The following RAB37 variants were observed in gnomAD, a reference collection of about 807,000 sequenced individuals.
RAB37 encodes ras-related protein Rab-37.
A neutral mutation model predicts 33.1 loss-of-function variants in RAB37; 29 were observed. That is an observed-to-expected ratio of 0.88 (90% CI 0.65 to 1.20). The LOEUF (loss-of-function observed/expected upper bound fraction) is 1.20, where lower values mean the gene tolerates loss of function less well. Among genes scored for constraint, RAB37 ranks in the 50% most tolerant of loss-of-function variants. The probability of loss-of-function intolerance (pLI) is 0.00; values close to 1 mark genes in which losing one functional copy is unlikely to be tolerated. For synonymous variants in RAB37, 128 were observed against 119.5 expected (o/e 1.07, Z -0.47); for missense variants, 299 against 301.1 (o/e 0.99, Z 0.05).
Position 74,729,379 on chromosome 17 carries a change from C to A in RAB37, c.183+13C>A, listed in dbSNP as rs374822336. 1.1e-5 allele frequency: 17 copies of A among 1,592,208 alleles called. No individual in the cohort carries two copies. The highest frequency in any genetic ancestry group is 1.4e-5 in the Non-Finnish European group (16 of 1,159,956). ...CATCGGATTCACGGTAAGCACTGGC[C>A]GGCACTGCCAGCTCTGGGCCTGGGC... On this transcript the variant is annotated intron_variant, in intron 2 of 7. Transcript: ENST00000340415. The surrounding 1 kb of genome is among the most constrained non-coding windows in gnomAD (Gnocchi z 4.2).
At chr17:74,679,833 C>A (rs1210500072) in intron 1 of RAB37, among the ~76,000 whole-genome samples, 3 of 151,908 alleles carry the variant, frequency 2.0e-5, no homozygotes. Flanking sequence ...CAAAAATTAG[C>A]TGGGTGTGGT....
intron 1 of RAB37, among the ~76,000 whole-genome samples, chr17:74,737,870 T>C (rs2034518376): frequency 6.6e-6 from 1 of 152,328 alleles, no homozygotes; most frequent in East Asian, 1.9e-4. Flanking sequence ...CTGGAGGCAC[T>C]GCCTCCCACC....
At chr17:74,718,779 A>G (rs961187214) in intron 1 of RAB37, among the ~76,000 whole-genome samples, 2 of 152,220 alleles carry the variant, frequency 1.3e-5, no homozygotes, top group African/African-American at 4.8e-5. Flanking sequence ...ATCCTGCCAC[A>G]CAGAAATAAC....
intron 2 of RAB37, among the ~76,000 whole-genome samples, chr17:74,731,707 C>T (rs965299017): frequency 6.6e-6 from 1 of 152,176 alleles, no homozygotes; most frequent in Non-Finnish European, 1.5e-5. Flanking sequence ...CAAAATTCCT[C>T]TTTCAAAACC....
rs539759603 is a variant in RAB37, at chr17:74,742,864, A to G, written c.247-265A>G. On this transcript the variant is annotated intron_variant, in intron 3 of 8. Transcript: ENST00000392613. This position sits in a 1 kb window ranked among gnomAD's most constrained non-coding sequence, Gnocchi z 4.0. ...ATGGTCTGGATCTCCTGACCTCGTG[A>G]TCCGCCTGCCTCGGCCTCCCAAAGT... Among the ~76,000 whole-genome samples the G allele has an allele frequency of 2.6e-5, 4 of 152,168 alleles. No homozygotes were observed. The South Asian group carries it at 8.3e-4, about 32-fold the overall frequency.
At chr17:74,679,990 AAAAAGAAAG>A (rs1326062938) in intron 1 of RAB37, among the ~76,000 whole-genome samples, 27 of 141,704 alleles carry the variant, frequency 1.9e-4, no homozygotes, top group African/African-American at 6.6e-4. Flanking sequence ...AAAAAAAAAA[AAAAAGAAAG>A]AAAGAAAGAA....
At position 74,704,941 on chromosome 17, in the gene RAB37, C is replaced by T; in HGVS notation, c.73-24315C>T. The stretch of plus-strand genomic sequence containing the variant: ...AAATAACAGTCAAGGAAGAAATACA[C>T]CTTCCGCAGACAAAACTTTTGTCCT... On this transcript the variant is annotated intron_variant, in intron 1 of 7. Coordinates refer to the RAB37 transcript ENST00000340415. 10 of 762,454 alleles carry T rather than the reference C, an allele frequency of 1.3e-5. No individual in the cohort carries two copies. The South Asian group carries it at 1.5e-4, about 11-fold the overall frequency. 47.2% of individuals were successfully genotyped at this position (762,454 alleles called of 1,614,324 possible).
chr17:74,677,965 G>A (rs1015017428), intron 1 of RAB37, among the ~76,000 whole-genome samples: 5 of 152,132 alleles, frequency 3.3e-5, no homozygotes, highest in African/African-American at 9.7e-5. Flanking sequence ...CTTATAAGCT[G>A]TTCTAGGGAG....
chr17:74,681,003 A>G (rs145279059), intron 1 of RAB37, among the ~76,000 whole-genome samples: 1 of 152,316 alleles, frequency 6.6e-6, no homozygotes, highest in Non-Finnish European at 1.5e-5. Context: ...GAATCCTGAG[A>G]ATCAATTCAG....
Position 74,742,246 on chromosome 17 carries a change from T to C in RAB37, c.205-8T>C. 6.2e-7 allele frequency: 1 copy of C among 1,613,186 alleles called. No homozygotes were observed. On this transcript the variant is annotated splice_region_variant and splice_polypyrimidine_tract_variant and intron_variant, in intron 2 of 8. Transcript: ENST00000392613. The surrounding 1 kb of genome is among the most constrained non-coding windows in gnomAD (Gnocchi z 4.0). ...TGCCCTCCCATCCTCTGCCTTTTTC[T>C]CTTTCAGAACAAGGTGGTGACTGTG...
chr17:74,717,597 T>C (rs2034182013), intron 1 of RAB37, among the ~76,000 whole-genome samples: 1 of 151,384 alleles, frequency 6.6e-6, no homozygotes, highest in Admixed American at 6.6e-5. Context: ...TCACCTGAGG[T>C]CGGGAGGGAG....
intron 1 of RAB37, among the ~76,000 whole-genome samples, chr17:74,740,533 G>C (rs1394263749): frequency 6.6e-6 from 1 of 152,224 alleles, no homozygotes; most frequent in Non-Finnish European, 1.5e-5. Flanking sequence ...CCGGCCTCTA[G>C]GAACTTGAAT....
chr17:74,715,123 A>AAAAT (rs1306263174), intron 1 of RAB37, among the ~76,000 whole-genome samples: 2 of 152,222 alleles, frequency 1.3e-5, no homozygotes, highest in African/African-American at 4.8e-5. Context: ...ACTCCATCTC[A>AAAAT]AAATAAATAA....
At chr17:74,712,935 G>A in intron 1 of RAB37, 1 of 1,495,558 alleles carries the variant, frequency 6.7e-7, no homozygotes, top group African/African-American at 1.4e-5. Flanking sequence ...CAGACTCCCA[G>A]CCTTCTGCTG....
intron 1 of RAB37, among the ~76,000 whole-genome samples, chr17:74,697,328 C>A (rs568003880): frequency 8.4e-4 from 128 of 152,234 alleles, no homozygotes; most frequent in African/African-American, 3.0e-3. Context: ...CAGCCACCAG[C>A]CCCACATCCC....
upstream of RAB37, among the ~76,000 whole-genome samples, chr17:74,734,487 G>A (rs369492828): frequency 4.7e-4 from 71 of 152,298 alleles, no homozygotes; most frequent in Middle Eastern, 3.4e-3. Context: ...AGTAGAAGGT[G>A]AGCATGAGGC....
chr17:74,723,575 CTTTTTT>C (rs35936012), intron 1 of RAB37, among the ~76,000 whole-genome samples: 1 of 133,184 alleles, frequency 7.5e-6, no homozygotes, highest in Non-Finnish European at 1.6e-5. Context: ...AATTAACTAA[CTTTTTT>C]TTTTTTTTTT....
intron 1 of RAB37, among the ~76,000 whole-genome samples, chr17:74,709,933 C>T (rs1054027816): frequency 1.3e-5 from 2 of 152,010 alleles, no homozygotes; most frequent in African/African-American, 2.4e-5. Flanking sequence ...ATAAACAAAA[C>T]ATGAATTCCC....
intron 1 of RAB37, among the ~76,000 whole-genome samples, chr17:74,706,156 G>A (rs538498770): frequency 8.5e-4 from 130 of 152,054 alleles, no homozygotes; most frequent in African/African-American, 3.1e-3. Flanking sequence ...TGGGTACCAT[G>A]TTCACTATCT....
Sources: gnomAD v4.1 joint callset for allele counts (sites outside exome capture counted in the v4.1 genomes callset) on GRCh38, gnomAD v4.1.1 for gene constraint, Gnocchi (gnomAD v3.1) non-coding constraint, MANE v1.5 for transcripts, NCBI Gene and HGNC (gene_info 2026-07-23, HGNC 2026-07-21) for gene names.